The following FIGLA variants were observed in gnomAD, a reference collection of about 807,000 sequenced individuals.
FIGLA encodes the protein factor in the germline alpha.
FIGLA carries 17 observed loss-of-function variants against 21.5 expected under a neutral mutation model. The ratio of observed to expected loss-of-function variants is 0.79; its 90% confidence interval spans 0.54 to 1.19. The LOEUF is 1.19. FIGLA is among the 50% of genes most tolerant of loss of function. The probability of loss-of-function intolerance (pLI) is 0.00; values close to 1 mark genes in which losing one functional copy is unlikely to be tolerated. For synonymous variants in FIGLA, 129 were observed against 117.6 expected, an observed-to-expected ratio of 1.10 and a Z score of -0.63; for missense variants, 282 against 285.0, an observed-to-expected ratio of 0.99 and a Z score of 0.08.
At position 70,787,553 on chromosome 2, in the gene FIGLA, T is replaced by A. The variant is rs575172252; in HGVS notation, c.384+96A>T. On this transcript the variant is annotated intron_variant, in intron 2 of 4. Transcript: ENST00000332372. Reference sequence around the variant, plus strand: ...TAGCTTAGAGGTTATAAACCTTAAGTGGAAAGTATACATATATCACTTGGC... The same window carrying A: ...TAGCTTAGAGGTTATAAACCTTAAGAGGAAAGTATACATATATCACTTGGC... 13 of 1,256,736 alleles carry A rather than the reference T, an allele frequency of 1.0e-5. No individual in the cohort carries two copies. The South Asian group carries it at 1.4e-4, about 14-fold the overall frequency. 77.8% of individuals were successfully genotyped at this position (1,256,736 alleles called of 1,614,324 possible). A position where few individuals can be genotyped will look rare whatever the true frequency, so the allele number is the denominator to read the frequency against.
At chr2:70,779,876 C>A (rs1307078462) in intron 3 of FIGLA, among the ~76,000 whole-genome samples, 1 of 152,124 alleles carries the variant, frequency 6.6e-6, no homozygotes, top group Non-Finnish European at 1.5e-5. Context: ...GAACCATAAC[C>A]ACGAGTGGCA....
Position 70,787,283 on chromosome 2 carries a change from A to G in FIGLA, c.384+366T>C, listed in dbSNP as rs569848881. On this transcript the variant is annotated intron_variant, in intron 2 of 4. Transcript: ENST00000332372. Reference sequence around the variant, plus strand: ...TCCTGTCTGATGTGCATTCTACTGTAGGGAAACAACCAAAGTGCTTTTAGG... The same window carrying G: ...TCCTGTCTGATGTGCATTCTACTGTGGGGAAACAACCAAAGTGCTTTTAGG... Among the ~76,000 whole-genome samples, 8 of 152,284 alleles carry G rather than the reference A, an allele frequency of 5.3e-5. No homozygotes were observed. In the South Asian group the frequency reaches 1.7e-3, roughly 32 times the overall value.
At chr2:70,786,029 G>A (rs1675949744) in intron 2 of FIGLA, among the ~76,000 whole-genome samples, 1 of 152,170 alleles carries the variant, frequency 6.6e-6, no homozygotes, top group Non-Finnish European at 1.5e-5. Flanking sequence ...ATCGCAGAAT[G>A]TAGCTTCCTA....
In FIGLA at chr2:70,790,507, G is replaced by C; in HGVS notation, c.132C>G (p.Cys44Trp). ...CGCCCGAGGGCAGCCGCTTGAGCCG[G>C]CAGACAGCGGCCAGCTGGGGCAGCG... is the stretch of plus-strand genomic sequence containing the variant. Reference protein sequence around the residue: ...FGPLPQLAAVCRLKRLPSGGY... With the variant: ...FGPLPQLAAVWRLKRLPSGGY... The change falls in exon 1 of 5, where the codon TGC becomes TGG. Residue 44 changes from cysteine to tryptophan, a missense_variant. Transcript: ENST00000332372. The C allele has an allele frequency of 6.5e-7, 1 of 1,541,848 alleles. No homozygotes were observed. The highest frequency in any genetic ancestry group is 1.2e-5 in the South Asian group (1 of 83,864).
rs1553390778 is a variant in FIGLA at position 70,790,567 on chromosome 2, C to T, written c.72G>A (p.Glu24=). The T allele has an allele frequency of 2.0e-6, 3 of 1,521,326 alleles. No homozygotes were observed. The highest frequency in any genetic ancestry group is 1.4e-5 in the African/African-American group (1 of 70,880). 94.2% of individuals were successfully genotyped at this position (1,521,326 alleles called of 1,614,324 possible). Reference sequence around the variant, plus strand: ...GCTCCCGCAACACGTCCTCCAGCACCTCGGCTTGCGGGGTGCCCAGGAGCG... The same window carrying T: ...GCTCCCGCAACACGTCCTCCAGCACTTCGGCTTGCGGGGTGCCCAGGAGCG... The part of the protein sequence containing the change: ...PPALLGTPQA[E]VLEDVLREQF... The change falls in exon 1 of 5, where the codon GAG becomes GAA. Residue 24 remains glutamate (E), a synonymous_variant. Transcript: ENST00000332372.
rs782029301 is a variant in FIGLA, at chr2:70,785,456, C to T, written c.568G>A (p.Val190Met). ...GAGATAATTTCAGTCGTAGACATCA[C>T]ACTGTGGCGACAAGCGTGTGCTGGC... ...GEPAHACRHS[V>M]MSTTEIISPT... The change falls in exon 3 of 5, where the codon GTG (valine) becomes ATG (methionine). Residue 190 changes from valine (V) to methionine (M), a missense_variant. Coordinates refer to ENST00000332372, the MANE Select transcript of FIGLA (RefSeq NM_001004311.3). The T allele has an allele frequency of 2.8e-5, 45 of 1,613,910 alleles. 1 individual carries two copies. In the South Asian group the frequency reaches 4.4e-4, roughly 16 times the overall value.
intron 1 of FIGLA, among the ~76,000 whole-genome samples, chr2:70,789,229 G>A (rs1676013310): frequency 6.6e-6 from 1 of 152,038 alleles, no homozygotes; most frequent in Admixed American, 6.6e-5. Context: ...GTTCACAGTA[G>A]TTATATCTGT....
intron 3 of FIGLA, among the ~76,000 whole-genome samples, chr2:70,779,546 G>A (rs1553388831): frequency 6.6e-6 from 1 of 152,178 alleles, no homozygotes; most frequent in East Asian, 1.9e-4. Flanking sequence ...TGTCCCCAGT[G>A]AGTAATTTCA....
At chr2:70,779,565 C>T (rs377054203) in intron 3 of FIGLA, among the ~76,000 whole-genome samples, 28 of 152,114 alleles carry the variant, frequency 1.8e-4, no homozygotes, top group Non-Finnish European at 2.5e-4. Flanking sequence ...CACAGATTAC[C>T]GCAACTTGGA....
chr2:70,786,228 CT>C (rs34626238), intron 2 of FIGLA, among the ~76,000 whole-genome samples: 50,253 of 95,354 alleles, frequency 0.53, 11,176 homozygotes, highest in East Asian at 0.8. Flanking sequence ...ACTTTTCTGC[CT>C]TTTTTTTTTT....
intron 1 of FIGLA, among the ~76,000 whole-genome samples, chr2:70,788,989 G>A (rs1356594524): frequency 1.3e-5 from 2 of 152,008 alleles, no homozygotes; most frequent in Non-Finnish European, 2.9e-5. Context: ...GCTACAAACA[G>A]CAAACATGCC....
chr2:70,785,538 A>G lies in FIGLA; in HGVS notation c.486T>C (p.Cys162=), dbSNP rs782401268. ...LSRNITQHIS[C]AFGLKNEEEG... is the part of the protein sequence containing the mutation. ...CCTCTTCATTCTTCAAGCCGAAAGC[A>G]CAGCTGATATGTTGGGTGATGTTTC... The change falls in exon 3 of 5, where the codon TGT becomes TGC. Residue 162 remains cysteine (C), a synonymous_variant. Transcript: ENST00000332372. The G allele has an allele frequency of 2.5e-6, 4 of 1,613,980 alleles. No individual in the cohort carries two copies. The Admixed American group carries it at 5.0e-5, about 20-fold the overall frequency.
chr2:70,777,487 GT>G, intron 4 of FIGLA, 105 bp from the exon 5 acceptor site: 1 of 1,354,792 alleles, frequency 7.4e-7, no homozygotes, highest in Non-Finnish European at 1.0e-6. Flanking sequence ...AATCAAAGAT[GT>G]TTAAATTTAA....
chr2:70,789,123 T>A (rs1289776053), intron 1 of FIGLA, among the ~76,000 whole-genome samples: 5 of 124,158 alleles, frequency 4.0e-5, no homozygotes, highest in African/African-American at 1.4e-4. Flanking sequence ...GTGGAAAAAA[T>A]TACACAAATA....
At chr2:70,777,455 G>T in intron 4 of FIGLA, 73 bp from the exon 5 acceptor site, 1 of 1,346,640 alleles carries the variant, frequency 7.4e-7, no homozygotes, top group Non-Finnish European at 1.0e-6. Context: ...AAAGAAATAT[G>T]CAAAAAATTA....
At chr2:70,784,145 C>G (rs566788220) in intron 3 of FIGLA, among the ~76,000 whole-genome samples, 22 of 152,180 alleles carry the variant, frequency 1.4e-4, no homozygotes, top group African/African-American at 5.3e-4. Flanking sequence ...CAAATGAATC[C>G]TAGAACACAA....
intron 1 of FIGLA, among the ~76,000 whole-genome samples, chr2:70,789,730 C>T (rs1052697688): frequency 1.3e-5 from 2 of 152,208 alleles, no homozygotes; most frequent in Non-Finnish European, 2.9e-5. Flanking sequence ...GAGACCATGT[C>T]TCCCAAGTTT....
chr2:70,787,568 T>G (rs1187720631), intron 2 of FIGLA, 81 bp downstream of exon 2: 1 of 1,343,548 alleles, frequency 7.4e-7, no homozygotes, highest in South Asian at 1.3e-5. Context: ...AGTATACATA[T>G]ATCACTTGGC....
chr2:70,786,492 G>A (rs1024341845), intron 2 of FIGLA, among the ~76,000 whole-genome samples: 12 of 152,078 alleles, frequency 7.9e-5, no homozygotes, highest in Non-Finnish European at 1.3e-4. Context: ...TTTTAGTAGA[G>A]ATGGGGTTTC....
Sources: allele counts gnomAD v4.1 joint callset (sites outside exome capture counted in the v4.1 genomes callset), GRCh38; gene constraint gnomAD v4.1.1; transcripts MANE v1.5; gene names NCBI Gene and HGNC (gene_info 2026-07-23, HGNC 2026-07-21).